The following CFTR variants were observed in gnomAD, a reference collection of about 807,000 sequenced individuals.
The protein encoded by CFTR is CF transmembrane conductance regulator, also known as cystic fibrosis transmembrane conductance regulator.
Under a neutral mutation model 171.6 loss-of-function variants are expected in CFTR, and 181 were observed. That is an observed-to-expected ratio of 1.05 (90% CI 0.93 to 1.19). CFTR has a LOEUF of 1.19. Among genes scored for constraint, CFTR ranks in the 50% most tolerant of loss-of-function variants. The probability of loss-of-function intolerance (pLI) is 0.00; values close to 1 mark genes in which losing one functional copy is unlikely to be tolerated. For missense variants in CFTR, 1,968 were observed against 1,734.7 expected, an observed-to-expected ratio of 1.13 and a Z score of -2.39; for synonymous variants, 583 against 608.0, an observed-to-expected ratio of 0.96 and a Z score of 0.60.
In CFTR at chr7:117,603,556, T is replaced by G. The variant is rs1488966637; in HGVS notation, c.2682T>G (p.Asn894Lys). 3 of 1,613,984 alleles carry G rather than the reference T, an allele frequency of 1.9e-6. No individual in the cohort carries two copies. The highest frequency in any genetic ancestry group is 2.5e-6 in the Non-Finnish European group (3 of 1,179,900). The change falls in exon 17 of 27, where the codon AAT (asparagine) becomes AAG (lysine). Residue 894 changes from asparagine (N) to lysine (K), a missense_variant. By Grantham distance (94) the Asn-to-Lys change is moderately conservative (BLOSUM62 0). Transcript: ENST00000003084. Reference protein sequence around the residue: ...LGNTPLQDKGNSTHSRNNSYA... With the variant: ...LGNTPLQDKGKSTHSRNNSYA... The stretch of plus-strand genomic sequence containing the variant: ...GCACTCCTCTTCAAGACAAAGGGAA[T>G]AGTACTCATAGTAGAAATAACAGCT...
At chr7:117,559,191 A>C (rs536068221) in intron 10 of CFTR, among the ~76,000 whole-genome samples, 1 of 152,162 alleles carries the variant, frequency 6.6e-6, no homozygotes, top group Non-Finnish European at 1.5e-5. Context: ...CTCCAAACCT[A>C]TTCCAACTAT....
intron 1 of CFTR, among the ~76,000 whole-genome samples, chr7:117,493,976 T>C (rs1798200815): frequency 6.6e-6 from 1 of 152,120 alleles, no homozygotes; most frequent in African/African-American, 2.4e-5. Context: ...GAAGGGAAGA[T>C]TAAGACAGAA....
chr7:117,501,608 A>G, intron 1 of CFTR, among the ~76,000 whole-genome samples: 1 of 151,588 alleles, frequency 6.6e-6, no homozygotes, highest in East Asian at 1.9e-4. Flanking sequence ...ATAGCCGGGC[A>G]TGGTGGTGCA....
chr7:117,542,578 A>AATAAAT (rs1799075450), intron 9 of CFTR, among the ~76,000 whole-genome samples: 1 of 152,078 alleles, frequency 6.6e-6, no homozygotes, highest in African/African-American at 2.4e-5. Flanking sequence ...TAAAAATAAA[A>AATAAAT]AGAAGTGGAG....
chr7:117,605,945 ATTGT>A (rs894104231), intron 17 of CFTR, among the ~76,000 whole-genome samples: 1 of 152,144 alleles, frequency 6.6e-6, no homozygotes, highest in African/African-American at 2.4e-5. Flanking sequence ...ATTTTATCTA[ATTGT>A]TTGTTTAATT....
rs544790313 is a variant in CFTR, at chr7:117,541,934, C to T, written c.1117-82C>T. 1.8e-4 allele frequency: 112 copies of T among 634,924 alleles called. No homozygotes were observed. In the East Asian group the frequency reaches 3.1e-3, roughly 17 times the overall value. 39.3% of individuals were successfully genotyped at this position (634,924 alleles called of 1,614,324 possible). ...TAAAATTCATATATAAGATGTAGCA[C>T]AATGAGAGTATAAAGTAGATGTAAT... On this transcript the variant is annotated intron_variant, in intron 8 of 26. Transcript: ENST00000003084.
chr7:117,520,616 C>A (rs1158028986), intron 3 of CFTR, among the ~76,000 whole-genome samples: 1 of 151,826 alleles, frequency 6.6e-6, no homozygotes, highest in Non-Finnish European at 1.5e-5. Context: ...TGTTCCTGGA[C>A]TTTTGAGATA....
intron 22 of CFTR, among the ~76,000 whole-genome samples, chr7:117,629,777 C>T (rs1792712989): frequency 6.6e-6 from 1 of 152,168 alleles, no homozygotes; most frequent in Non-Finnish European, 1.5e-5. Flanking sequence ...TTGTTTGACA[C>T]ATCCAAAGAG....
intron 14 of CFTR, among the ~76,000 whole-genome samples, chr7:117,594,141 A>G (rs1207681258): frequency 1.3e-5 from 2 of 152,148 alleles, no homozygotes; most frequent in African/African-American, 2.4e-5. Context: ...CTTGAATTCA[A>G]GCAGCTCCTA....
intron 1 of CFTR, among the ~76,000 whole-genome samples, chr7:117,501,027 A>C (rs1798317552): frequency 6.6e-6 from 1 of 152,220 alleles, no homozygotes; most frequent in South Asian, 2.1e-4. Context: ...AAGGACCAAA[A>C]GAGTTACGTT....
Position 117,535,373 on chromosome 7 carries a change from T to C in CFTR, c.705T>C (p.Leu235=), listed in dbSNP as rs762380161. ...CGLGFLIVLA[L]FQAGLGRMMM... is the part of the protein sequence containing the mutation. ...TTGGTTTCCTGATAGTCCTTGCCCTTTTTCAGGCTGGGCTAGGGAGAATGA... is the reference window on the plus strand; with the variant it reads ...TTGGTTTCCTGATAGTCCTTGCCCTCTTTCAGGCTGGGCTAGGGAGAATGA... The change falls in exon 6 of 27, where the codon CTT becomes CTC. Residue 235 remains leucine, a synonymous_variant. Transcript: ENST00000003084. The C allele has an allele frequency of 6.2e-7, 1 of 1,614,108 alleles. No individual in the cohort carries two copies. The highest frequency in any genetic ancestry group is 1.3e-5 in the African/African-American group (1 of 75,014).
chr7:117,620,666 C>A (rs564342954), intron 21 of CFTR, among the ~76,000 whole-genome samples: 323 of 150,500 alleles, frequency 2.1e-3, no homozygotes, highest in African/African-American at 7.5e-3. Context: ...AACAAACAAA[C>A]AAAAAAAAAG....
chr7:117,509,264 A>AT, intron 3 of CFTR, 122 bp downstream of exon 3: 1 of 698,004 alleles, frequency 1.4e-6, no homozygotes, highest in South Asian at 1.6e-5. Context: ...CCAACTCCAA[A>AT]CACTAAGAAA....
At chr7:117,578,179 C>G (rs1791798660) in intron 11 of CFTR, among the ~76,000 whole-genome samples, 1 of 151,910 alleles carries the variant, frequency 6.6e-6, no homozygotes, top group African/African-American at 2.4e-5. Context: ...TGCAGGTCCA[C>G]TTACACGTAT....
chr7:117,617,648 C>T (rs1338322018), intron 21 of CFTR, among the ~76,000 whole-genome samples: 1 of 151,858 alleles, frequency 6.6e-6, no homozygotes, highest in Non-Finnish European at 1.5e-5. Flanking sequence ...CCAGTTGTAC[C>T]AGCCTACTGC....
At chr7:117,641,991 T>G (rs1792922350) in intron 22 of CFTR, among the ~76,000 whole-genome samples, 1 of 152,194 alleles carries the variant, frequency 6.6e-6, no homozygotes, top group Admixed American at 6.5e-5. Flanking sequence ...TTTATTAGGG[T>G]CAACATCTAA....
chr7:117,545,385 G>A (rs537046612), intron 9 of CFTR, among the ~76,000 whole-genome samples: 67 of 152,218 alleles, frequency 4.4e-4, no homozygotes, highest in African/African-American at 1.4e-3. Context: ...TATGTTCTCC[G>A]TGGGTGACCT....
chr7:117,552,682 A>G (rs1396741794), intron 10 of CFTR, among the ~76,000 whole-genome samples: 1 of 152,078 alleles, frequency 6.6e-6, no homozygotes, highest in African/African-American at 2.4e-5. Context: ...TTTTTTTAGT[A>G]TCTTCCCAGA....
chr7:117,648,129 CCTA>C, intron 23 of CFTR, among the ~76,000 whole-genome samples: 1 of 149,028 alleles, frequency 6.7e-6, no homozygotes, highest in South Asian at 2.1e-4. Flanking sequence ...TATTTACCTA[CCTA>C]CTGTGTGAGT....
Sources: gnomAD v4.1 joint callset for allele counts (sites outside exome capture counted in the v4.1 genomes callset) on GRCh38, gnomAD v4.1.1 for gene constraint, MANE v1.5 for transcripts, NCBI Gene and HGNC (gene_info 2026-07-23, HGNC 2026-07-21) for gene names.